The following DOK6 variants were observed in gnomAD, a reference collection of about 807,000 sequenced individuals.
The protein encoded by DOK6 is downstream of tyrosine kinase 6.
DOK6 carries 22 observed loss-of-function variants against 44.0 expected under a neutral mutation model. The ratio of observed to expected loss-of-function variants is 0.50; its 90% CI spans 0.36 to 0.71. The LOEUF is 0.71. Among genes scored for constraint, DOK6 ranks in the 30% least tolerant of loss-of-function variants. The pLI is 0.00. For missense variants in DOK6, 340 were observed against 416.4 expected (o/e 0.82, Z 1.60); for synonymous variants, 166 against 145.5 (o/e 1.14, Z -1.01).
Position 69,843,734 on chromosome 18 carries a change from C to T in DOK6, c.*2351C>T, listed in dbSNP as rs1484130178. On this transcript the variant is annotated 3_prime_UTR_variant, in exon 8 of 8. Transcript: ENST00000382713. The stretch of plus-strand genomic sequence containing the variant: ...CCAAAGATCAGGCATAACCTCGGGC[C>T]AGTTCATTCTGAAAATGATGTCGTA... 1.3e-5 allele frequency: 2 copies of T among 152,206 alleles called. No homozygotes were observed. The highest frequency in any genetic ancestry group is 1.9e-4 in the East Asian group (1 of 5,194). The allele number at this position is 152,206 out of a possible 1,614,324, so 9.4% of individuals were successfully genotyped here. A position where few individuals can be genotyped will look rare whatever the true frequency, so the allele number is the denominator to read the frequency against.
intron 1 of DOK6, among the ~76,000 whole-genome samples, chr18:69,464,695 A>G (rs1979878268): frequency 1.3e-5 from 2 of 152,244 alleles, no homozygotes; most frequent in South Asian, 2.1e-4. Context: ...AATGTCTGCA[A>G]TTTGCGCTAA....
chr18:69,838,237 T>TAAA (rs541410720), intron 7 of DOK6, among the ~76,000 whole-genome samples: 264 of 140,788 alleles, frequency 1.9e-3, no homozygotes, highest in Middle Eastern at 7.3e-3. Context: ...TCTAAAACTT[T>TAAA]AAAAAAAAAA....
intron 1 of DOK6, among the ~76,000 whole-genome samples, chr18:69,449,758 C>A (rs1158135762): frequency 6.6e-6 from 1 of 151,650 alleles, no homozygotes; most frequent in Non-Finnish European, 1.5e-5. Flanking sequence ...GACCCCTGAC[C>A]CCCGAGCAGC....
At chr18:69,567,130 C>T (rs1208254803) in intron 2 of DOK6, among the ~76,000 whole-genome samples, 4 of 152,092 alleles carry the variant, frequency 2.6e-5, no homozygotes, top group East Asian at 3.9e-4. Context: ...ATGGTCTATC[C>T]GTTAGCCTGG....
chr18:69,768,258 A>G (rs1167158619), intron 7 of DOK6, among the ~76,000 whole-genome samples: 1 of 152,162 alleles, frequency 6.6e-6, no homozygotes, highest in Non-Finnish European at 1.5e-5. Context: ...GACAAATGTT[A>G]ATACAGACAG....
rs114602337 is a variant in DOK6, at chr18:69,622,767, G to T, written c.289+23269G>T. 2.3e-3 allele frequency among the ~76,000 whole-genome samples: 346 copies of T among 152,258 alleles called. 2 individuals are homozygous for T. Among genetic ancestry groups the T allele is most frequent in the African/African-American group, 7.8e-3 (324 of 41,542 alleles). On this transcript the variant is annotated intron_variant, in intron 3 of 7. Transcript: ENST00000382713. Reference sequence around the variant, plus strand: ...TGGCAGGTGCAACAATATTATTATTGTCTAAGGCATATAAATGTGAAACTT... The same window carrying T: ...TGGCAGGTGCAACAATATTATTATTTTCTAAGGCATATAAATGTGAAACTT...
At chr18:69,416,737 A>G (rs1420042812) in intron 1 of DOK6, among the ~76,000 whole-genome samples, 1 of 152,068 alleles carries the variant, frequency 6.6e-6, no homozygotes, top group African/African-American at 2.4e-5. Flanking sequence ...ACCTAGGCCC[A>G]CCTCATAGGG....
intron 1 of DOK6, among the ~76,000 whole-genome samples, chr18:69,424,087 T>G (rs2122412330): frequency 6.6e-6 from 1 of 152,342 alleles, no homozygotes; most frequent in African/African-American, 2.4e-5. Context: ...GGTTCATTCA[T>G]TTTTACTTCT....
chr18:69,576,770 G>A (rs1001236967), intron 2 of DOK6, among the ~76,000 whole-genome samples: 1 of 152,086 alleles, frequency 6.6e-6, no homozygotes, highest in Non-Finnish European at 1.5e-5. Context: ...TGTCATAACA[G>A]ATATTGAAAA....
In DOK6 at chr18:69,443,220, G is replaced by C. The variant is rs145383243; in HGVS notation, c.66+41910G>C. 6.8e-3 allele frequency among the ~76,000 whole-genome samples: 1,036 copies of C among 152,256 alleles called. 7 individuals are homozygous for C. Among genetic ancestry groups the C allele is most frequent in the African/African-American group, 0.024 (980 of 41,562 alleles). On this transcript the variant is annotated intron_variant, in intron 1 of 7. Transcript: ENST00000382713. Reference sequence around the variant, plus strand: ...ATTTGAAAATAGCTCTGTATGACTAGAAAGATTTTAGTGTTTGAATATGAC... The same window carrying C: ...ATTTGAAAATAGCTCTGTATGACTACAAAGATTTTAGTGTTTGAATATGAC...
At chr18:69,455,172 A>G (rs1191676047) in intron 1 of DOK6, among the ~76,000 whole-genome samples, 2 of 133,552 alleles carry the variant, frequency 1.5e-5, no homozygotes, top group Non-Finnish European at 3.1e-5. Flanking sequence ...AAAAAAAAAA[A>G]AAGAAAAGAA....
At chr18:69,670,024 C>T (rs757269757) in intron 3 of DOK6, among the ~76,000 whole-genome samples, 2 of 152,202 alleles carry the variant, frequency 1.3e-5, no homozygotes, top group South Asian at 4.1e-4. Context: ...AAAAGTCCAA[C>T]ACTGGTCCTC....
At chr18:69,424,031 C>A (rs1978568444) in intron 1 of DOK6, among the ~76,000 whole-genome samples, 1 of 152,056 alleles carries the variant, frequency 6.6e-6, no homozygotes, top group Non-Finnish European at 1.5e-5. Context: ...TGTTTTTGCT[C>A]AAGATTATGT....
intron 1 of DOK6, among the ~76,000 whole-genome samples, chr18:69,458,357 A>G (rs185990301): frequency 2.0e-5 from 3 of 152,326 alleles, no homozygotes; most frequent in East Asian, 1.9e-4. Context: ...CTTTCATGAT[A>G]ATAGTCCTCA....
chr18:69,847,248 T>C lies in DOK6; in HGVS notation c.*5865T>C, dbSNP rs1230842474. 1.3e-5 allele frequency: 2 copies of C among 152,146 alleles called. No homozygotes were observed. The highest frequency in any genetic ancestry group is 2.9e-5 in the Non-Finnish European group (2 of 68,034). 9.4% of individuals were successfully genotyped at this position (152,146 alleles called of 1,614,324 possible). A position where few individuals can be genotyped will look rare whatever the true frequency, so the allele number is the denominator to read the frequency against. Reference sequence around the variant, plus strand: ...ATTATTTTGGGCCCATGTTAGCAGTTGAAACAATTAAGTTCCTCACTCTTT... The same window carrying C: ...ATTATTTTGGGCCCATGTTAGCAGTCGAAACAATTAAGTTCCTCACTCTTT... On this transcript the variant is annotated 3_prime_UTR_variant, in exon 8 of 8. Transcript: ENST00000382713.
chr18:69,442,599 T>C (rs1979166981), intron 1 of DOK6, among the ~76,000 whole-genome samples: 1 of 152,190 alleles, frequency 6.6e-6, no homozygotes. Context: ...TGGATTACAA[T>C]TCAAGATGAG....
chr18:69,612,581 G>C (rs973977176), intron 3 of DOK6, among the ~76,000 whole-genome samples: 1 of 151,776 alleles, frequency 6.6e-6, no homozygotes. Context: ...CATTTTCAGC[G>C]TAAGGTTCTC....
At chr18:69,471,549 G>C (rs1445244361) in intron 1 of DOK6, 2 of 151,758 alleles carry the variant, frequency 1.3e-5, no homozygotes, top group African/African-American at 2.4e-5. Flanking sequence ...GTTTTAAGCA[G>C]GGATTTGTCC....
intron 1 of DOK6, among the ~76,000 whole-genome samples, chr18:69,502,462 A>G (rs1411692678): frequency 1.3e-5 from 2 of 152,152 alleles, no homozygotes; most frequent in African/African-American, 2.4e-5. Context: ...GGAAATGCAG[A>G]GACTCTCAGA....
Sources: gnomAD v4.1 joint callset for allele counts (sites outside exome capture counted in the v4.1 genomes callset) on GRCh38, gnomAD v4.1.1 for gene constraint, MANE v1.5 for transcripts, NCBI Gene and HGNC (gene_info 2026-07-23, HGNC 2026-07-21) for gene names.